DPP10: variants seen among roughly 807,000 people sequenced by gnomAD.
DPP10 encodes inactive dipeptidyl peptidase 10.
A neutral mutation model predicts 120.9 loss-of-function variants in DPP10; 33 were observed. The ratio of observed to expected loss-of-function variants is 0.27; its 90% CI spans 0.21 to 0.37. The LOEUF (loss-of-function observed/expected upper bound fraction) is 0.37, where lower values mean the gene tolerates loss of function less well. Among genes scored for constraint, DPP10 ranks in the 10% least tolerant of loss-of-function variants. The pLI, the probability that DPP10 is intolerant of heterozygous loss-of-function variation, is 1.00. For synonymous variants in DPP10, 337 were observed against 326.1 expected, an observed-to-expected ratio of 1.03 and a Z score of -0.36; for missense variants, 816 against 942.8, an observed-to-expected ratio of 0.87 and a Z score of 1.76.
intron 25 of DPP10, 65 bp downstream of exon 25, chr2:115,840,888 A>G (rs760645470): frequency 2.3e-6 from 3 of 1,328,806 alleles, no homozygotes; most frequent in Admixed American, 3.7e-5. Context: ...GATACGCAAC[A>G]CAGCTTCTCT....
chr2:115,612,204 A>T (rs1176283679), intron 5 of DPP10, among the ~76,000 whole-genome samples: 1 of 152,134 alleles, frequency 6.6e-6, no homozygotes, highest in African/African-American at 2.4e-5. Flanking sequence ...TCTATTCTTA[A>T]TGTCACCAAA....
chr2:115,547,476 C>A (rs2079581948), intron 5 of DPP10, among the ~76,000 whole-genome samples: 1 of 152,120 alleles, frequency 6.6e-6, no homozygotes, highest in South Asian at 2.1e-4. Flanking sequence ...ATACACTTTT[C>A]TTAAAATGGC....
chr2:115,292,272 TTA>T (rs1202034746), intron 1 of DPP10, among the ~76,000 whole-genome samples: 8 of 152,118 alleles, frequency 5.3e-5, no homozygotes, highest in Admixed American at 5.2e-4. Flanking sequence ...ATAAAACCAA[TTA>T]TGTTTTTTCC....
At chr2:115,667,310 G>A (rs759297068) in intron 5 of DPP10, among the ~76,000 whole-genome samples, 1 of 152,126 alleles carries the variant, frequency 6.6e-6, no homozygotes, top group South Asian at 2.1e-4. Flanking sequence ...TTGTTTGTGT[G>A]TGAATAGTTT....
intron 1 of DPP10, among the ~76,000 whole-genome samples, chr2:115,041,117 CAAAA>C (rs10577275): frequency 0.77 from 98,562 of 127,960 alleles, 38,288 homozygotes; most frequent in South Asian, 0.91. Context: ...TAGCTCAAAA[CAAAA>C]AAAAAAAAAA....
At chr2:115,381,746 TC>T (rs2066381689) in intron 3 of DPP10, among the ~76,000 whole-genome samples, 1 of 152,154 alleles carries the variant, frequency 6.6e-6, no homozygotes, top group South Asian at 2.1e-4. Flanking sequence ...GGATGTCCTT[TC>T]TGTTTGTTAG....
intron 4 of DPP10, among the ~76,000 whole-genome samples, chr2:115,521,520 G>C (rs2077807247): frequency 6.6e-6 from 1 of 151,676 alleles, no homozygotes; most frequent in Admixed American, 6.6e-5. Context: ...TGTTACAAAA[G>C]CAACATTCAC....
intron 1 of DPP10, among the ~76,000 whole-genome samples, chr2:115,247,420 T>C (rs2058582201): frequency 6.6e-6 from 1 of 152,106 alleles, no homozygotes; most frequent in African/African-American, 2.4e-5. Context: ...GAATAGTGAA[T>C]GCAGAAAGCA....
chr2:114,508,846 CA>C (rs1683897857), intron 1 of DPP10, among the ~76,000 whole-genome samples: 1 of 152,014 alleles, frequency 6.6e-6, no homozygotes, highest in African/African-American at 2.4e-5. Flanking sequence ...CAAACTGGAC[CA>C]AATGGATTTT....
Position 115,801,160 on chromosome 2 carries a change from A to G in DPP10, c.1700+9804A>G, listed in dbSNP as rs527499161. On this transcript the variant is annotated intron_variant, in intron 19 of 25. Transcript: ENST00000410059. Reference sequence around the variant, plus strand: ...TGAAGAGGTCCTTCACATCCCTTGTAAGTTGGATTCCTAGGTATTTTATTC... The same window carrying G: ...TGAAGAGGTCCTTCACATCCCTTGTGAGTTGGATTCCTAGGTATTTTATTC... Among the ~76,000 whole-genome samples, 9 of 150,640 alleles carry G rather than the reference A, an allele frequency of 6.0e-5. No individual in the cohort carries two copies. The East Asian group carries it at 1.7e-3, about 29-fold the overall frequency.
chr2:115,181,176 T>G (rs904235693), intron 1 of DPP10, among the ~76,000 whole-genome samples: 1 of 152,222 alleles, frequency 6.6e-6, no homozygotes, highest in African/African-American at 2.4e-5. Flanking sequence ...TGAAAATACT[T>G]AAAATGAACA....
chr2:114,994,961 C>A (rs1313088000), intron 1 of DPP10, among the ~76,000 whole-genome samples: 1 of 152,220 alleles, frequency 6.6e-6, no homozygotes, highest in Non-Finnish European at 1.5e-5. Flanking sequence ...TTCTCAAGCA[C>A]TCCCTGTATT....
intron 3 of DPP10, among the ~76,000 whole-genome samples, chr2:115,366,545 T>G (rs1460282817): frequency 1.3e-5 from 2 of 152,118 alleles, no homozygotes; most frequent in African/African-American, 4.8e-5. Context: ...AAATATCTAG[T>G]CTTCCAAAAG....
intron 19 of DPP10, among the ~76,000 whole-genome samples, chr2:115,803,667 G>T (rs1193684623): frequency 6.6e-6 from 1 of 151,892 alleles, no homozygotes; most frequent in Non-Finnish European, 1.5e-5. Context: ...TCTGTAAAGT[G>T]TTTTTTTCTC....
At chr2:114,703,978 T>C (rs1006879302) in intron 1 of DPP10, among the ~76,000 whole-genome samples, 16 of 152,090 alleles carry the variant, frequency 1.1e-4, no homozygotes, top group Non-Finnish European at 1.9e-4. Flanking sequence ...TGGGCCTTTT[T>C]CCTACTGCCT....
intron 1 of DPP10, among the ~76,000 whole-genome samples, chr2:114,800,973 A>G (rs886648323): frequency 3.9e-5 from 6 of 152,056 alleles, no homozygotes; most frequent in Non-Finnish European, 8.8e-5. Context: ...CGAAAGGTAC[A>G]GAAGAATGGG....
At chr2:115,440,329 A>G (rs1031015004) in intron 3 of DPP10, among the ~76,000 whole-genome samples, 5 of 152,282 alleles carry the variant, frequency 3.3e-5, no homozygotes, top group South Asian at 2.1e-4. Context: ...AGAAAGTTCA[A>G]TGGCATATTC....
At chr2:114,972,130 G>T (rs1457936041) in intron 1 of DPP10, among the ~76,000 whole-genome samples, 1 of 152,170 alleles carries the variant, frequency 6.6e-6, no homozygotes, top group Non-Finnish European at 1.5e-5. Flanking sequence ...CACTCTTTGG[G>T]CTTCACTTTT....
intron 1 of DPP10, among the ~76,000 whole-genome samples, chr2:115,259,966 A>G (rs764376876): frequency 4.6e-5 from 7 of 151,670 alleles, no homozygotes; most frequent in Non-Finnish European, 1.0e-4. Flanking sequence ...TTTTATTTAT[A>G]ATTTAAAATA....
Sources: allele counts gnomAD v4.1 joint callset (sites outside exome capture counted in the v4.1 genomes callset), GRCh38; gene constraint gnomAD v4.1.1; transcripts MANE v1.5; gene names NCBI Gene and HGNC (gene_info 2026-07-23, HGNC 2026-07-21).